Variants in ZBTB20 observed in about 807,000 individuals in gnomAD.
The protein encoded by ZBTB20 is zinc finger and BTB domain-containing protein 20.
In ZBTB20, 9 loss-of-function variants were observed where a neutral mutation model predicts 56.9. The ratio of observed to expected loss-of-function variants is 0.16; its 90% CI spans 0.10 to 0.28. The LOEUF is 0.28. Among genes scored for constraint, ZBTB20 ranks in the 10% least tolerant of loss-of-function variants. The probability of loss-of-function intolerance (pLI) is 1.00; values close to 1 mark genes in which losing one functional copy is unlikely to be tolerated. For missense variants in ZBTB20, 655 were observed against 1,003.0 expected, an observed-to-expected ratio of 0.65 and a Z score of 4.69; for synonymous variants, 417 against 420.7, an observed-to-expected ratio of 0.99 and a Z score of 0.11.
chr3:114,509,375 GT>G (rs915596583), intron 6 of ZBTB20, among the ~76,000 whole-genome samples: 12 of 147,806 alleles, frequency 8.1e-5, no homozygotes, highest in African/African-American at 3.0e-4. Flanking sequence ...TCTACATTCA[GT>G]TTTTTTCACA....
rs542304872 is a variant in ZBTB20 at position 114,326,288 on chromosome 3, C to T, written c.*12717G>A. ...GAGGAGGCAATAAGGATTTGTAGTACAAAATGCATGGTCTTCATCTGCAAT... is the reference window on the plus strand; with the variant it reads ...GAGGAGGCAATAAGGATTTGTAGTATAAAATGCATGGTCTTCATCTGCAAT... On this transcript the variant is annotated 3_prime_UTR_variant, in exon 12 of 12. Transcript: ENST00000675478. 1 of 152,256 alleles carries T rather than the reference C, an allele frequency of 6.6e-6. No homozygotes were observed. The highest frequency in any genetic ancestry group is 1.5e-5 in the Non-Finnish European group (1 of 68,020). The allele number at this position is 152,256 out of a possible 1,614,324, so 9.4% of individuals were successfully genotyped here.
At chr3:115,099,992 T>G (rs552260450) in intron 1 of ZBTB20, among the ~76,000 whole-genome samples, 1 of 151,956 alleles carries the variant, frequency 6.6e-6, no homozygotes, top group Non-Finnish European at 1.5e-5. Flanking sequence ...GGAAGAAAAT[T>G]AGTAAAGGGT....
Position 115,037,288 on chromosome 3 carries a change from C to T in ZBTB20, c.-507+33931G>A, listed in dbSNP as rs180839032. Among the ~76,000 whole-genome samples, 13 of 151,918 alleles carry T rather than the reference C, an allele frequency of 8.6e-5. No homozygotes were observed. In the South Asian group the frequency reaches 1.3e-3, roughly 15 times the overall value. On this transcript the variant is annotated intron_variant, in intron 2 of 11. Coordinates refer to ENST00000675478, the MANE Select transcript of ZBTB20 (RefSeq NM_001348800.3). ...AAAGTAAAGAAATTTTTGGGGGGGG[C>T]GGAGTGAGGAGGTGGAAACAGAGTC...
At chr3:114,588,760 T>C (rs1386228518) in intron 6 of ZBTB20, among the ~76,000 whole-genome samples, 1 of 152,158 alleles carries the variant, frequency 6.6e-6, no homozygotes, top group South Asian at 2.1e-4. Flanking sequence ...CTCTCCACTG[T>C]AGGATACTTC....
chr3:115,090,096 A>G (rs1479479749), intron 1 of ZBTB20, among the ~76,000 whole-genome samples: 2 of 151,884 alleles, frequency 1.3e-5, no homozygotes, highest in South Asian at 2.1e-4. Context: ...AGAGACTCCA[A>G]TTTTAGATAT....
chr3:115,038,500 T>C (rs749289160), intron 2 of ZBTB20, among the ~76,000 whole-genome samples: 1 of 152,148 alleles, frequency 6.6e-6, no homozygotes, highest in Non-Finnish European at 1.5e-5. Flanking sequence ...CATACTCTTA[T>C]GCAGTAAATA....
At chr3:115,135,974 G>A (rs1380991880) in intron 1 of ZBTB20, among the ~76,000 whole-genome samples, 1 of 152,058 alleles carries the variant, frequency 6.6e-6, no homozygotes, top group Non-Finnish European at 1.5e-5. Context: ...AGTGTGCTTT[G>A]TTTGTCCCTC....
intron 2 of ZBTB20, among the ~76,000 whole-genome samples, chr3:115,038,796 A>G (rs369470944): frequency 1.3e-5 from 2 of 152,132 alleles, no homozygotes; most frequent in Non-Finnish European, 2.9e-5. Flanking sequence ...ATATACTACT[A>G]TCAACATTTG....
In ZBTB20 at chr3:114,942,754, A is replaced by C. The variant is rs1269488128; in HGVS notation, c.-456+31612T>G. 5.5e-5 allele frequency among the ~76,000 whole-genome samples: 8 copies of C among 146,056 alleles called. 1 individual carries two copies. The highest frequency in any genetic ancestry group is 2.2e-4 in the African/African-American group (8 of 35,946). On this transcript the variant is annotated intron_variant, in intron 3 of 11. Coordinates refer to ENST00000675478, the MANE Select transcript of ZBTB20 (RefSeq NM_001348800.3). ...CGTTAAAGTAAGCCCTATGTTGTTT[A>C]TTACTTTTCAAATTCAAGGCATTTG... is the stretch of plus-strand genomic sequence containing the variant.
intron 4 of ZBTB20, among the ~76,000 whole-genome samples, chr3:114,855,036 A>G (rs1421400454): frequency 6.6e-6 from 1 of 152,220 alleles, no homozygotes; most frequent in East Asian, 1.9e-4. Flanking sequence ...TCTTTACGAC[A>G]GAGACCATAT....
At chr3:114,953,817 A>G (rs2077156839) in intron 3 of ZBTB20, among the ~76,000 whole-genome samples, 1 of 152,124 alleles carries the variant, frequency 6.6e-6, no homozygotes, top group Non-Finnish European at 1.5e-5. Context: ...ATTAGTAAAA[A>G]CAGAACTGAA....
intron 5 of ZBTB20, among the ~76,000 whole-genome samples, chr3:114,726,694 C>T (rs1037023438): frequency 4.6e-5 from 7 of 151,868 alleles, no homozygotes; most frequent in South Asian, 2.1e-4. Context: ...GGGCGGATCA[C>T]GAGGTCAGGA....
At chr3:114,645,769 T>G (rs1202249044) in intron 6 of ZBTB20, among the ~76,000 whole-genome samples, 3 of 152,196 alleles carry the variant, frequency 2.0e-5, no homozygotes, top group African/African-American at 7.2e-5. Context: ...TATTTACCAT[T>G]TGCCTTTACC....
At chr3:114,515,349 T>G (rs1454253167) in intron 6 of ZBTB20, among the ~76,000 whole-genome samples, 1 of 152,186 alleles carries the variant, frequency 6.6e-6, no homozygotes, top group Non-Finnish European at 1.5e-5. Context: ...TCATCTACAG[T>G]TCTCAACTGT....
At chr3:114,940,001 T>G (rs767546209) in intron 3 of ZBTB20, among the ~76,000 whole-genome samples, 1 of 146,648 alleles carries the variant, frequency 6.8e-6, no homozygotes, top group Non-Finnish European at 1.5e-5. Context: ...ATGTTTCATA[T>G]GCTCTTCTAT....
intron 7 of ZBTB20, among the ~76,000 whole-genome samples, chr3:114,411,669 C>T (rs982208863): frequency 2.6e-5 from 4 of 152,076 alleles, no homozygotes; most frequent in Non-Finnish European, 5.9e-5. Context: ...CCATTATCTA[C>T]CCTGCTAAGG....
chr3:114,574,314 TG>T (rs1172152434), intron 6 of ZBTB20, among the ~76,000 whole-genome samples: 28 of 152,290 alleles, frequency 1.8e-4, no homozygotes, highest in Non-Finnish European at 3.7e-4. Flanking sequence ...GTAAAATTAA[TG>T]GGTCAGAGGA....
At chr3:114,396,502 A>G (rs1312524473) in intron 7 of ZBTB20, among the ~76,000 whole-genome samples, 4 of 152,188 alleles carry the variant, frequency 2.6e-5, no homozygotes, top group Non-Finnish European at 5.9e-5. Flanking sequence ...GTTGGGAATT[A>G]TATTCCCATT....
At chr3:114,818,370 A>G (rs1324800301) in intron 4 of ZBTB20, among the ~76,000 whole-genome samples, 1 of 152,134 alleles carries the variant, frequency 6.6e-6, no homozygotes. Flanking sequence ...TGCAAGAGCA[A>G]TTTGATAGTG....
Sources: gnomAD v4.1 joint callset for allele counts (sites outside exome capture counted in the v4.1 genomes callset) on GRCh38, gnomAD v4.1.1 for gene constraint, MANE v1.5 for transcripts, NCBI Gene and HGNC (gene_info 2026-07-23, HGNC 2026-07-21) for gene names.